TEX35: variants seen among roughly 807,000 people sequenced by gnomAD.
TEX35 encodes the protein testis-expressed protein 35.
In TEX35, 26 loss-of-function variants were observed where a neutral mutation model predicts 31.9. That is an observed-to-expected ratio of 0.81 (90% confidence interval 0.60 to 1.13). The LOEUF is 1.13. TEX35 is among the 50% of genes most tolerant of loss of function. The probability of loss-of-function intolerance (pLI) is 0.00; values close to 1 mark genes in which losing one functional copy is unlikely to be tolerated. For synonymous variants in TEX35, 87 were observed against 90.7 expected, an observed-to-expected ratio of 0.96 and a Z score of 0.23; for missense variants, 278 against 273.5, an observed-to-expected ratio of 1.02 and a Z score of -0.12.
chr1:178,521,465 G>C, intron 8 of TEX35: 1 of 1,011,876 alleles, frequency 9.9e-7, no homozygotes, highest in South Asian at 1.4e-5. Context: ...ACCCAGCCTA[G>C]AGGCTGCTGC....
rs1446475458 is a variant in TEX35, at chr1:178,516,021, TGTAACTCA to T, written c.216+109_216+116del. 3.3e-6 allele frequency: 3 copies of T among 914,418 alleles called. No homozygotes were observed. The African/African-American group carries it at 5.0e-5, about 15-fold the overall frequency. The allele number at this position is 914,418 out of a possible 1,614,324, so 56.6% of individuals were successfully genotyped here. On this transcript the variant is annotated intron_variant, in intron 4 of 8. Transcript: ENST00000319416. ...GGAAAGCAGGAATTGCATGGAAAAA[TGTAACTCA>T]GTCCTAATACCCAGAGCACTTCAGT...
At chr1:178,514,499 G>A (rs531457730) in intron 2 of TEX35, among the ~76,000 whole-genome samples, 5 of 152,276 alleles carry the variant, frequency 3.3e-5, no homozygotes, top group Admixed American at 6.5e-5. Context: ...CTGAGGCCCC[G>A]TGGGCCAGCA....
intron 1 of TEX35, 62 bp from the exon 2 acceptor site, chr1:178,513,965 A>G (rs1020778795): frequency 6.3e-7 from 1 of 1,587,280 alleles, no homozygotes; most frequent in Non-Finnish European, 8.6e-7. Context: ...TGCAAGGGCC[A>G]GATGTTCTCC....
rs777974844 is a variant in TEX35 at position 178,520,767 on chromosome 1, G to A, written c.436G>A (p.Ala146Thr). Residue 146 changes from alanine to threonine, a missense_variant, in exon 7 of 9, where the codon GCC (alanine) becomes ACC (threonine). Ala to Thr is a moderately conservative substitution (Grantham distance 58). Transcript: ENST00000319416. ...GCTCAGGCCCAAGAAAATGGATGGA[G>A]CCAGTGGAGTCAATGGAGCACCCTG... The part of the protein sequence containing the change: ...PQLRPKKMDG[A>T]SGVNGAPCAL... 1 of 1,614,136 alleles carries A rather than the reference G, an allele frequency of 6.2e-7. No homozygotes were observed. The highest frequency in any genetic ancestry group is 1.1e-5 in the South Asian group (1 of 91,078).
downstream of TEX35, among the ~76,000 whole-genome samples, chr1:178,523,008 T>C (rs1245676296): frequency 6.6e-6 from 1 of 152,214 alleles, no homozygotes; most frequent in Non-Finnish European, 1.5e-5. Flanking sequence ...ATGAGTTTCA[T>C]TGTTTTCATT....
chr1:178,520,778 C>T lies in TEX35; in HGVS notation c.447C>T (p.Val149=). The stretch of plus-strand genomic sequence containing the variant: ...AGAAAATGGATGGAGCCAGTGGAGT[C>T]AATGGAGCACCCTGTGCTCTTCACA... ...RPKKMDGASG[V]NGAPCALHKK... Residue 149 remains valine (V), a synonymous_variant, in exon 7 of 9, where the codon GTC becomes GTT. Coordinates refer to ENST00000319416, the MANE Select transcript of TEX35 (RefSeq NM_032126.5). The T allele has an allele frequency of 6.2e-7, 1 of 1,614,128 alleles. No individual in the cohort carries two copies. Among genetic ancestry groups the T allele is most frequent in the Middle Eastern group, 1.6e-4 (1 of 6,062 alleles).
rs749953491 is a variant in TEX35 at position 178,514,097 on chromosome 1, C to T, written c.90+20C>T. ...ACCAAAGTAAGAAGCCCTTTTGAGG[C>T]CATGCAGGCAGCCAGGCCTGAGATC... On this transcript the variant is annotated intron_variant, in intron 2 of 8. Transcript: ENST00000319416. The T allele has an allele frequency of 7.4e-6, 12 of 1,614,002 alleles. No homozygotes were observed. The highest frequency in any genetic ancestry group is 1.6e-4 in the Middle Eastern group (1 of 6,084).
intron 5 of TEX35, among the ~76,000 whole-genome samples, chr1:178,518,074 A>G (rs950350204): frequency 1.3e-5 from 2 of 152,210 alleles, no homozygotes; most frequent in African/African-American, 4.8e-5. Flanking sequence ...ATAAGAACTA[A>G]GTAGGAAAAT....
chr1:178,514,674 G>T (rs746348005), intron 2 of TEX35, 26 bp from the exon 3 acceptor site: 2 of 1,611,940 alleles, frequency 1.2e-6, no homozygotes, highest in South Asian at 1.1e-5. Context: ...ATTCCCAAAG[G>T]TCTGTGTTCC....
chr1:178,521,693 C>G lies in TEX35; in HGVS notation c.586+429C>G, dbSNP rs147082609. The G allele has an allele frequency of 3.7e-5, 58 of 1,551,966 alleles. No homozygotes were observed. In the African/African-American group the frequency reaches 7.2e-4, roughly 19 times the overall value. ...CTAGCGCAGCTGCAGAACCTACCAG[C>G]AGTTCCGATTCATCACCTCCAAGCT... On this transcript the variant is annotated intron_variant, in intron 8 of 8. Transcript: ENST00000319416.
chr1:178,521,642 G>T lies in TEX35; in HGVS notation c.586+378G>T, dbSNP rs774252229. ...TCTGATTTATCTGTACCTCAACCCC[G>T]GTGACATCGAATATGTGTTTCCAAC... On this transcript the variant is annotated intron_variant, in intron 8 of 8. Coordinates refer to ENST00000319416, the MANE Select transcript of TEX35 (RefSeq NM_032126.5). 1.2e-5 allele frequency: 19 copies of T among 1,552,218 alleles called. No individual in the cohort carries two copies. The South Asian group carries it at 1.9e-4, about 16-fold the overall frequency.
intron 5 of TEX35, among the ~76,000 whole-genome samples, chr1:178,518,930 T>G (rs1650172797): frequency 6.6e-6 from 1 of 151,182 alleles, no homozygotes; most frequent in African/African-American, 2.4e-5. Flanking sequence ...GTGGGACCAC[T>G]GGGGGAAACT....
In TEX35 at chr1:178,521,228, T is replaced by C. The variant is rs1363772292; in HGVS notation, c.550T>C (p.Cys184Arg). 2 of 1,614,220 alleles carry C rather than the reference T, an allele frequency of 1.2e-6. No homozygotes were observed. Among genetic ancestry groups the C allele is most frequent in the East Asian group, 2.2e-5 (1 of 44,886 alleles). Residue 184 changes from cysteine to arginine, a missense_variant, in exon 8 of 9, where the codon TGT becomes CGT. By Grantham distance (180) the Cys-to-Arg change is radical. Coordinates refer to ENST00000319416, the MANE Select transcript of TEX35 (RefSeq NM_032126.5). Reference sequence around the variant, plus strand: ...CCGTTTCTGTCCTCTGCAGGAGAAATGTTTGTTGTGTGCTCTAAAGAACAA... The same window carrying C: ...CCGTTTCTGTCCTCTGCAGGAGAAACGTTTGTTGTGTGCTCTAAAGAACAA... ...LHHCGTCCEK[C>R]LLCALKNNYN...
chr1:178,520,957 T>C, intron 7 of TEX35, 83 bp downstream of exon 7: 1 of 1,582,190 alleles, frequency 6.3e-7, no homozygotes, highest in Non-Finnish European at 8.6e-7. Flanking sequence ...GCTTGTGCTG[T>C]ATCATAGTGA....
rs559706537 is a variant in TEX35 at position 178,518,723 on chromosome 1, G to A, written c.277-1649G>A. On this transcript the variant is annotated intron_variant, in intron 5 of 8. Coordinates refer to ENST00000319416, the MANE Select transcript of TEX35 (RefSeq NM_032126.5). The stretch of plus-strand genomic sequence containing the variant: ...TCATACTTTTATATCCCTCTGTACT[G>A]TCCAAATTTTCTACAAAGGGCATGC... Among the ~76,000 whole-genome samples, 7 of 152,256 alleles carry A rather than the reference G, an allele frequency of 4.6e-5. No individual in the cohort carries two copies. The East Asian group carries it at 1.2e-3, about 25-fold the overall frequency.
At chr1:178,515,603 C>T (rs181418120) in intron 3 of TEX35, among the ~76,000 whole-genome samples, 15 of 151,800 alleles carry the variant, frequency 9.9e-5, no homozygotes, top group African/African-American at 2.7e-4. Context: ...GTGGGGGTCT[C>T]GCTATGTTGC....
intron 2 of TEX35, 37 bp from the exon 3 acceptor site, chr1:178,514,663 A>C (rs1327753453): frequency 6.2e-7 from 1 of 1,604,164 alleles, no homozygotes; most frequent in Admixed American, 1.7e-5. Flanking sequence ...GCCCATCTGC[A>C]ATTCCCAAAG....
At chr1:178,515,075 G>C (rs1650026483) in intron 3 of TEX35, among the ~76,000 whole-genome samples, 1 of 152,126 alleles carries the variant, frequency 6.6e-6, no homozygotes, top group South Asian at 2.1e-4. Context: ...GAACAGAACA[G>C]TTCTTTTTCT....
rs1650081776 is a variant in TEX35, at chr1:178,516,501, G to T, written c.217-114G>T. ...AAGTGGCTCTAACAGGCCATTATTAGTCCATGCCAGAGAAGCAGCCACTGC... is the reference window on the plus strand; with the variant it reads ...AAGTGGCTCTAACAGGCCATTATTATTCCATGCCAGAGAAGCAGCCACTGC... On this transcript the variant is annotated intron_variant, in intron 4 of 8. Transcript: ENST00000319416. The T allele has an allele frequency of 7.0e-6, 6 of 854,694 alleles. No homozygotes were observed. The South Asian group carries it at 9.4e-5, about 13-fold the overall frequency. The allele number at this position is 854,694 out of a possible 1,614,324, so 52.9% of individuals were successfully genotyped here.
Sources: allele counts gnomAD v4.1 joint callset (sites outside exome capture counted in the v4.1 genomes callset), GRCh38; gene constraint gnomAD v4.1.1; transcripts MANE v1.5; gene names NCBI Gene and HGNC (gene_info 2026-07-23, HGNC 2026-07-21).